Variants in RADIL observed in about 807,000 individuals in gnomAD.
RADIL encodes the protein Rap associating with DIL domain, also known as ras-associating and dilute domain-containing protein.
Under a neutral mutation model 97.6 loss-of-function variants are expected in RADIL, and 99 were observed. The ratio of observed to expected loss-of-function variants is 1.01; its 90% CI spans 0.86 to 1.20. The LOEUF is 1.20. Ranked by LOEUF, RADIL falls within the 50% of genes most tolerant of loss-of-function variation. The pLI is 0.00. For missense variants in RADIL, 1,765 were observed against 1,498.9 expected, an observed-to-expected ratio of 1.18 and a Z score of -2.93; for synonymous variants, 803 against 691.8, an observed-to-expected ratio of 1.16 and a Z score of -2.52.
Position 4,805,697 on chromosome 7 carries a change from C to G in RADIL, c.2159G>C (p.Arg720Pro). ...TGGGCTCAGTGCGGGGAACGCAGCC[C>G]GCAGGGCTGTCCAGCTCATCTGGGT... The part of the protein sequence containing the change: ...QLIQMSWTAL[R>P]AAFPALSPAQ... Residue 720 changes from arginine (R) to proline (P), a missense_variant, in exon 10 of 15, where the codon CGG becomes CCG. Transcript: ENST00000399583. 1 of 1,610,580 alleles carries G rather than the reference C, an allele frequency of 6.2e-7. No homozygotes were observed. Among genetic ancestry groups the G allele is most frequent in the Non-Finnish European group, 8.5e-7 (1 of 1,179,356 alleles).
At chr7:4,804,441 G>A (rs1305713375) in intron 10 of RADIL, among the ~76,000 whole-genome samples, 12 of 152,236 alleles carry the variant, frequency 7.9e-5, no homozygotes, top group Non-Finnish European at 1.3e-4. Context: ...TTTTGTTGAG[G>A]TGTTAACACA....
In RADIL at chr7:4,798,080, A is replaced by AATTATATATTTATATATATTCATATATT. The variant is rs1781969871; in HGVS notation, c.*1270_*1297dup. ...ATGAATATGTAATATATTCATATAT[A>AATTATATATTTATATATATTCATATATT]ATTATATATTTATATATATTCATAT... On this transcript the variant is annotated 3_prime_UTR_variant, in exon 15 of 15. Coordinates refer to ENST00000399583, the MANE Select transcript of RADIL (RefSeq NM_018059.5). The AATTATATATTTATATATATTCATATATT allele has an allele frequency of 2.0e-5, 3 of 148,184 alleles. No homozygotes were observed. The highest frequency in any genetic ancestry group is 7.4e-5 in the African/African-American group (3 of 40,816). The allele number at this position is 148,184 out of a possible 1,614,324, so 9.2% of individuals were successfully genotyped here. A position where few individuals can be genotyped will look rare whatever the true frequency, so the allele number is the denominator to read the frequency against.
At chr7:4,838,498 C>A (rs1410493475) in intron 2 of RADIL, among the ~76,000 whole-genome samples, 1 of 152,120 alleles carries the variant, frequency 6.6e-6, no homozygotes, top group African/African-American at 2.4e-5. Context: ...GGCCTGTGTC[C>A]CCTGGGGCTG....
intron 5 of RADIL, among the ~76,000 whole-genome samples, chr7:4,826,325 G>C (rs1782974561): frequency 6.6e-6 from 1 of 152,144 alleles, no homozygotes; most frequent in African/African-American, 2.4e-5. Flanking sequence ...AAGCCCGGAA[G>C]TGAGGATGGG....
Position 4,805,765 on chromosome 7 carries a change from C to A in RADIL, c.2140-49G>T, listed in dbSNP as rs377485264. ...GGTCACAGGTCTCTGGGTGCAGACC[C>A]CAGCCCAAAGAGGGATGGCCTCCAC... On this transcript the variant is annotated intron_variant, in intron 9 of 14. Transcript: ENST00000399583. 4 of 1,569,686 alleles carry A rather than the reference C, an allele frequency of 2.5e-6. No individual in the cohort carries two copies. The African/African-American group carries it at 5.4e-5, about 21-fold the overall frequency.
Position 4,835,785 on chromosome 7 carries a change from G to C in RADIL, c.784-546C>G, listed in dbSNP as rs961977802. 2.6e-5 allele frequency among the ~76,000 whole-genome samples: 4 copies of C among 152,160 alleles called. No homozygotes were observed. The highest frequency in any genetic ancestry group is 7.2e-5 in the African/African-American group (3 of 41,438). ...AGGGCGGGGGTAGGGTGAGCAGGGGGCGGGGAAAACAGTTGTCTGGCAGGG... is the reference window on the plus strand; with the variant it reads ...AGGGCGGGGGTAGGGTGAGCAGGGGCCGGGGAAAACAGTTGTCTGGCAGGG... On this transcript the variant is annotated intron_variant, in intron 3 of 14. Transcript: ENST00000399583. This position sits in a 1 kb window ranked among gnomAD's most constrained non-coding sequence, Gnocchi z 5.8.
At position 4,817,459 on chromosome 7, in the gene RADIL, C is replaced by A; in HGVS notation, c.1616-108G>T. On this transcript the variant is annotated intron_variant, in intron 6 of 14. Coordinates refer to ENST00000399583, the MANE Select transcript of RADIL (RefSeq NM_018059.5). This position sits in a 1 kb window ranked among gnomAD's most constrained non-coding sequence, Gnocchi z 8.3. Reference sequence around the variant, plus strand: ...CCTGGCGCGGGCACCACCCAACGCGCCCATCTGGGGTCCAGATGCGATAAA... The same window carrying A: ...CCTGGCGCGGGCACCACCCAACGCGACCATCTGGGGTCCAGATGCGATAAA... 2 of 946,032 alleles carry A rather than the reference C, an allele frequency of 2.1e-6. No individual in the cohort carries two copies. Among genetic ancestry groups the A allele is most frequent in the African/African-American group, 1.6e-5 (1 of 60,796 alleles). The allele number at this position is 946,032 out of a possible 1,614,324, so 58.6% of individuals were successfully genotyped here.
At position 4,803,187 on chromosome 7, in the gene RADIL, G is replaced by T. The variant is rs545615589; in HGVS notation, c.2499+359C>A. Among the ~76,000 whole-genome samples, 93 of 52,890 alleles carry T rather than the reference G, an allele frequency of 1.8e-3. 10 individuals carry two copies. The highest frequency in any genetic ancestry group is 9.4e-3 in the African/African-American group (41 of 4,352). The allele number at this position is 52,890 out of a possible 152,430, so 34.7% of individuals were successfully genotyped here. On this transcript the variant is annotated intron_variant, in intron 11 of 14. Coordinates refer to ENST00000399583, the MANE Select transcript of RADIL (RefSeq NM_018059.5). ...GGGCACCTCGGGGCACGCTGGCTGG[G>T]GGGCCCCCTCCCCGGGTACCTCGGG...
At position 4,834,044 on chromosome 7, in the gene RADIL, A is replaced by G. The variant is rs1297759731; in HGVS notation, c.1416+563T>C. The stretch of plus-strand genomic sequence containing the variant: ...AAGGAGCTCTCCTGCCACAGTGTCC[A>G]CAGGGCCGGGGATGAGAGAGGCTGG... On this transcript the variant is annotated intron_variant, in intron 4 of 14. Coordinates refer to ENST00000399583, the MANE Select transcript of RADIL (RefSeq NM_018059.5). The surrounding 1 kb of genome is among the most constrained non-coding windows in gnomAD (Gnocchi z 6.0). 6.6e-6 allele frequency among the ~76,000 whole-genome samples: 1 copy of G among 152,120 alleles called. No homozygotes were observed. The highest frequency in any genetic ancestry group is 1.5e-5 in the Non-Finnish European group (1 of 68,000).
At chr7:4,803,819 C>A in intron 10 of RADIL, 65 bp from the exon 11 acceptor site, 2 of 1,431,484 alleles carry the variant, frequency 1.4e-6, no homozygotes, top group South Asian at 1.2e-5. Flanking sequence ...CAGGCCGCCC[C>A]GCCCAACGGT....
In RADIL at chr7:4,835,350, C is replaced by A; in HGVS notation, c.784-111G>T. The A allele has an allele frequency of 7.2e-7, 1 of 1,386,932 alleles. No homozygotes were observed. Among genetic ancestry groups the A allele is most frequent in the Non-Finnish European group, 9.7e-7 (1 of 1,026,386 alleles). The allele number at this position is 1,386,932 out of a possible 1,614,324, so 85.9% of individuals were successfully genotyped here. The stretch of plus-strand genomic sequence containing the variant: ...CAGCGTGGCTGGGATGCTGTCGCCA[C>A]GGGCTCTCCATGTCCCTGGCCACCC... On this transcript the variant is annotated intron_variant, in intron 3 of 14. Coordinates refer to ENST00000399583, the MANE Select transcript of RADIL (RefSeq NM_018059.5). This position sits in a 1 kb window ranked among gnomAD's most constrained non-coding sequence, Gnocchi z 5.8.
In RADIL at chr7:4,818,122, C is replaced by A. The variant is rs142708711; in HGVS notation, c.1616-771G>T. Among the ~76,000 whole-genome samples the A allele has an allele frequency of 6.6e-6, 1 of 152,194 alleles. No homozygotes were observed. Among genetic ancestry groups the A allele is most frequent in the Non-Finnish European group, 1.5e-5 (1 of 68,028 alleles). On this transcript the variant is annotated intron_variant, in intron 6 of 14. Transcript: ENST00000399583. The surrounding 1 kb of genome is among the most constrained non-coding windows in gnomAD (Gnocchi z 7.1). ...TGGTGTTCCCTGTCAGCCGCGTGGG[C>A]GGCCACAGCTCCCCTCCTCTCCCTC...
Position 4,798,352 on chromosome 7 carries a change from C to T in RADIL, c.*1026G>A, listed in dbSNP as rs1028554379. 3.3e-5 allele frequency: 5 copies of T among 152,158 alleles called. No homozygotes were observed. The highest frequency in any genetic ancestry group is 2.0e-4 in the Admixed American group (3 of 15,274). 9.4% of individuals were successfully genotyped at this position (152,158 alleles called of 1,614,324 possible). A position where few individuals can be genotyped will look rare whatever the true frequency, so the allele number is the denominator to read the frequency against. The stretch of plus-strand genomic sequence containing the variant: ...GACCCAGGACACCGATCTGGGGACC[C>T]CGCACAGACCTCTGTCCCAGTGAGA... On this transcript the variant is annotated 3_prime_UTR_variant, in exon 15 of 15. Coordinates refer to ENST00000399583, the MANE Select transcript of RADIL (RefSeq NM_018059.5).
In RADIL at chr7:4,877,602, C is replaced by T. The variant is rs1224221211; in HGVS notation, c.535+3G>A. 3.8e-6 allele frequency: 6 copies of T among 1,586,926 alleles called. No homozygotes were observed. Among genetic ancestry groups the T allele is most frequent in the South Asian group, 1.2e-5 (1 of 85,164 alleles). ...CTCTTCCTGAACCTGTGGCCCCCCTCACCTGCCGTGATGGTGTCCACCTCC... is the reference window on the plus strand; with the variant it reads ...CTCTTCCTGAACCTGTGGCCCCCCTTACCTGCCGTGATGGTGTCCACCTCC... On this transcript the variant is annotated splice_donor_region_variant and intron_variant, in intron 2 of 14. Transcript: ENST00000399583.
At chr7:4,881,101 TAAAA>T (rs58900044) in intron 1 of RADIL, among the ~76,000 whole-genome samples, 6,561 of 55,166 alleles carry the variant, frequency 0.12, 563 homozygotes, top group African/African-American at 0.22. Flanking sequence ...CCCTCTCTGT[TAAAA>T]AAAAAAAAAA....
chr7:4,856,622 T>G (rs529821604), intron 2 of RADIL, among the ~76,000 whole-genome samples: 1 of 152,374 alleles, frequency 6.6e-6, no homozygotes, highest in African/African-American at 2.4e-5. Context: ...GTCTTCTTTA[T>G]GCTGTTACTT....
At position 4,842,522 on chromosome 7, in the gene RADIL, G is replaced by A. The variant is rs1487845620; in HGVS notation, c.536-5917C>T. On this transcript the variant is annotated intron_variant, in intron 2 of 14. Transcript: ENST00000399583. This position sits in a 1 kb window ranked among gnomAD's most constrained non-coding sequence, Gnocchi z 4.5. ...GAGAGGGCAGGGCTCTGCGTGCCGG[G>A]GGTGCACAGGGAAACTGGACAAGCA... 6.6e-6 allele frequency among the ~76,000 whole-genome samples: 1 copy of A among 152,182 alleles called. No homozygotes were observed. Among genetic ancestry groups the A allele is most frequent in the African/African-American group, 2.4e-5 (1 of 41,452 alleles).
Position 4,818,549 on chromosome 7 carries a change from G to A in RADIL, c.1616-1198C>T, listed in dbSNP as rs1018027859. On this transcript the variant is annotated intron_variant, in intron 6 of 14. Coordinates refer to ENST00000399583, the MANE Select transcript of RADIL (RefSeq NM_018059.5). The surrounding 1 kb of genome is among the most constrained non-coding windows in gnomAD (Gnocchi z 7.1). ...AGCTGGAGGGACCCCGGGGTCCGGG[G>A]CAGTAAGGGGCTCTCGGGCTCTGCC... Among the ~76,000 whole-genome samples, 4 of 152,208 alleles carry A rather than the reference G, an allele frequency of 2.6e-5. No homozygotes were observed. The highest frequency in any genetic ancestry group is 7.2e-5 in the African/African-American group (3 of 41,464).
At chr7:4,808,135 CCTCTCTCCCCCGTCCTTCT>C (rs890107879) in intron 9 of RADIL, among the ~76,000 whole-genome samples, 3 of 130,254 alleles carry the variant, frequency 2.3e-5, no homozygotes, top group Middle Eastern at 3.9e-3. Context: ...TTCCCCTCTT[CCTCTCTCCCCCGTCCTTCT>C]CTCTCTCCCC....
Sources: allele counts gnomAD v4.1 joint callset (sites outside exome capture counted in the v4.1 genomes callset), GRCh38; gene constraint gnomAD v4.1.1; non-coding constraint Gnocchi (gnomAD v3.1); transcripts MANE v1.5; gene names NCBI Gene and HGNC (gene_info 2026-07-23, HGNC 2026-07-21).